ANO10: variants seen among roughly 807,000 people sequenced by gnomAD.
ANO10 encodes the protein anoctamin-10.
Under a neutral mutation model 74.7 loss-of-function variants are expected in ANO10, and 77 were observed. The ratio of observed to expected loss-of-function variants is 1.03; its 90% CI spans 0.86 to 1.25. The LOEUF (loss-of-function observed/expected upper bound fraction) is 1.25, where lower values mean the gene tolerates loss of function less well. Ranked by LOEUF, ANO10 falls within the 50% of genes most tolerant of loss-of-function variation. The pLI, the probability that ANO10 is intolerant of heterozygous loss-of-function variation, is 0.00. For missense variants in ANO10, 721 were observed against 778.1 expected, an observed-to-expected ratio of 0.93 and a Z score of 0.87; for synonymous variants, 279 against 284.9, an observed-to-expected ratio of 0.98 and a Z score of 0.21.
rs2082857404 is a variant in ANO10 at position 43,612,145 on chromosome 3, T to TATATATATAC, written c.-11-6283_-11-6282insGTATATATAT. Among the ~76,000 whole-genome samples, 3 of 33,630 alleles carry TATATATATAC rather than the reference T, an allele frequency of 8.9e-5. No homozygotes were observed. The South Asian group carries it at 2.6e-3, about 29-fold the overall frequency. The allele number at this position is 33,630 out of a possible 152,430, so 22.1% of individuals were successfully genotyped here. A position where few individuals can be genotyped will look rare whatever the true frequency, so the allele number is the denominator to read the frequency against. On this transcript the variant is annotated intron_variant, in intron 1 of 12. Coordinates refer to ENST00000292246, the MANE Select transcript of ANO10 (RefSeq NM_018075.5). ...AATAAAGAAAATTAAATATTTTATA[T>TATATATATAC]ATATATATATATATATATATATATA... is the stretch of plus-strand genomic sequence containing the variant.
chr3:43,568,223 C>A (rs1048059335), intron 7 of ANO10, among the ~76,000 whole-genome samples: 1 of 152,134 alleles, frequency 6.6e-6, no homozygotes, highest in South Asian at 2.1e-4. Context: ...AAGACTCCCA[C>A]ACATTAATAA....
At chr3:43,674,010 C>T (rs1293267711) in intron 1 of ANO10, among the ~76,000 whole-genome samples, 1 of 152,244 alleles carries the variant, frequency 6.6e-6, no homozygotes, top group East Asian at 1.9e-4. Flanking sequence ...AGAATGGGAG[C>T]TGGTATAAGC....
chr3:43,662,166 C>G (rs554011959), intron 1 of ANO10, among the ~76,000 whole-genome samples: 4 of 152,278 alleles, frequency 2.6e-5, no homozygotes, highest in African/African-American at 9.6e-5. Context: ...GTAAAACACT[C>G]CTTAGCAAAT....
intron 6 of ANO10, among the ~76,000 whole-genome samples, chr3:43,575,226 C>T (rs1158803529): frequency 6.6e-6 from 1 of 152,010 alleles, no homozygotes; most frequent in Non-Finnish European, 1.5e-5. Context: ...ATAAAGTTTT[C>T]TGTAAATAAA....
At chr3:43,455,612 T>C (rs561056965) in intron 11 of ANO10, among the ~76,000 whole-genome samples, 1 of 152,276 alleles carries the variant, frequency 6.6e-6, no homozygotes, top group South Asian at 2.1e-4. Flanking sequence ...AGATCCTTTC[T>C]GGGGCCAGCT....
At chr3:43,475,235 G>T (rs1050270535) in intron 11 of ANO10, among the ~76,000 whole-genome samples, 1 of 152,090 alleles carries the variant, frequency 6.6e-6, no homozygotes, top group African/African-American at 2.4e-5. Context: ...ATTATCTAAT[G>T]TTGGACATAT....
chr3:43,545,209 A>G (rs1048540279), intron 11 of ANO10, among the ~76,000 whole-genome samples: 3 of 152,148 alleles, frequency 2.0e-5, no homozygotes, highest in African/African-American at 7.2e-5. Flanking sequence ...TACTAGCAAA[A>G]CTTTTTTAAA....
intron 11 of ANO10, among the ~76,000 whole-genome samples, chr3:43,446,727 G>A (rs1467531816): frequency 6.6e-6 from 1 of 152,076 alleles, no homozygotes; most frequent in East Asian, 1.9e-4. Flanking sequence ...GAAAACACTC[G>A]AGGGAAGATG....
At chr3:43,372,924 T>C in intron 12 of ANO10, 1 of 1,374,306 alleles carries the variant, frequency 7.3e-7, no homozygotes, top group Non-Finnish European at 9.9e-7. Context: ...AAGCCTCTTT[T>C]TTTCATGCGT....
At chr3:43,444,414 T>C (rs1336481310) in intron 11 of ANO10, among the ~76,000 whole-genome samples, 5 of 152,186 alleles carry the variant, frequency 3.3e-5, no homozygotes, top group Non-Finnish European at 7.3e-5. Context: ...GCTTGCTTTG[T>C]TTTTTCAACA....
At chr3:43,510,487 C>T (rs979396502) in intron 11 of ANO10, among the ~76,000 whole-genome samples, 1 of 147,258 alleles carries the variant, frequency 6.8e-6, no homozygotes, top group African/African-American at 2.5e-5. Context: ...ACAGGTAAAA[C>T]TGGGGAAATC....
At chr3:43,506,505 T>C (rs1335638259) in intron 11 of ANO10, among the ~76,000 whole-genome samples, 1 of 152,144 alleles carries the variant, frequency 6.6e-6, no homozygotes, top group Non-Finnish European at 1.5e-5. Context: ...TCCATTCCTC[T>C]ACTCAGAGCC....
chr3:43,690,808 G>T (rs936542700), intron 1 of ANO10: 10 of 484,932 alleles, frequency 2.1e-5, no homozygotes, highest in African/African-American at 2.0e-4. Flanking sequence ...TGGGGATGGC[G>T]GACGCAAAGC....
chr3:43,678,808 G>A (rs1292853153), intron 1 of ANO10, among the ~76,000 whole-genome samples: 3 of 152,168 alleles, frequency 2.0e-5, no homozygotes, highest in Non-Finnish European at 4.4e-5. Context: ...GTTGGGGACT[G>A]TATTTGTAAA....
chr3:43,424,807 C>T (rs2092873963), intron 12 of ANO10: 1 of 152,188 alleles, frequency 6.6e-6, no homozygotes, highest in Non-Finnish European at 1.5e-5. Flanking sequence ...TGCAATTCTC[C>T]TGTCTTGATA....
chr3:43,485,181 C>T, intron 11 of ANO10: 1 of 712,982 alleles, frequency 1.4e-6, no homozygotes, highest in Non-Finnish European at 2.5e-6. Flanking sequence ...GGTGACAGCG[C>T]CTGCGGTGGT....
At chr3:43,521,279 T>G (rs1043321127) in intron 11 of ANO10, among the ~76,000 whole-genome samples, 15 of 152,206 alleles carry the variant, frequency 9.9e-5, no homozygotes, top group Admixed American at 9.2e-4. Flanking sequence ...AAGTATGATG[T>G]TAACTGCAGG....
chr3:43,374,495 G>T (rs1350004851), intron 12 of ANO10, among the ~76,000 whole-genome samples: 1 of 152,178 alleles, frequency 6.6e-6, no homozygotes, highest in African/African-American at 2.4e-5. Flanking sequence ...TGGCTCCAGA[G>T]CTGGCTCCTA....
At chr3:43,623,215 G>A (rs1038932400), upstream of ANO10, among the ~76,000 whole-genome samples, 1 of 152,156 alleles carries the variant, frequency 6.6e-6, no homozygotes, top group Non-Finnish European at 1.5e-5. Flanking sequence ...CTGAAAATAG[G>A]TGAGGCCAGA....
Sources: gnomAD v4.1 joint callset for allele counts (sites outside exome capture counted in the v4.1 genomes callset) on GRCh38, gnomAD v4.1.1 for gene constraint, MANE v1.5 for transcripts, NCBI Gene and HGNC (gene_info 2026-07-23, HGNC 2026-07-21) for gene names.